The following PRKCE variants were observed in gnomAD, a reference collection of about 807,000 sequenced individuals.
The protein encoded by PRKCE is protein kinase C epsilon type.
PRKCE carries 16 observed loss-of-function variants against 85.4 expected under a neutral mutation model. That is an observed-to-expected ratio of 0.19 (90% CI 0.13 to 0.28). PRKCE has a LOEUF of 0.28. PRKCE is among the 10% of genes least tolerant of loss of function. The pLI is 1.00. For missense variants in PRKCE, 573 were observed against 975.2 expected (o/e 0.59, Z 5.49); for synonymous variants, 388 against 371.5 (o/e 1.04, Z -0.51).
chr2:45,941,064 C>CAAAAAAAAAAAAAAAAAAAAAAAAAAAA (rs1446600916), intron 2 of PRKCE, among the ~76,000 whole-genome samples: 1 of 24,212 alleles, frequency 4.1e-5, no homozygotes, highest in Non-Finnish European at 7.6e-5. Flanking sequence ...AGACTTCATC[C>CAAAAAAAAAAAAAAAAAAAAAAAAAAAA]TAAAAAAAAA....
chr2:45,803,059 C>T (rs1191522455), intron 1 of PRKCE, among the ~76,000 whole-genome samples: 1 of 152,170 alleles, frequency 6.6e-6, no homozygotes, highest in African/African-American at 2.4e-5. Flanking sequence ...TAAGGTATGG[C>T]TTGAAAGGTG....
At chr2:46,175,328 T>C (rs1198721967) in intron 14 of PRKCE, among the ~76,000 whole-genome samples, 1 of 152,224 alleles carries the variant, frequency 6.6e-6, no homozygotes, top group East Asian at 1.9e-4. Flanking sequence ...ATGATTATTC[T>C]GTGAACTGAG....
chr2:45,766,989 T>C (rs1298857011), intron 1 of PRKCE, among the ~76,000 whole-genome samples: 1 of 151,274 alleles, frequency 6.6e-6, no homozygotes, highest in Non-Finnish European at 1.5e-5. Flanking sequence ...TGCAGTGAGC[T>C]GAGATCAGGC....
intron 2 of PRKCE, among the ~76,000 whole-genome samples, chr2:45,844,371 C>G (rs914784935): frequency 6.6e-6 from 1 of 152,188 alleles, no homozygotes; most frequent in African/African-American, 2.4e-5. Context: ...CTTCTCTGCT[C>G]TCAGCTCTGA....
intron 2 of PRKCE, among the ~76,000 whole-genome samples, chr2:45,916,240 ATT>A (rs748796035): frequency 2.3e-4 from 32 of 141,748 alleles, no homozygotes; most frequent in Non-Finnish European, 2.6e-4. Context: ...GCACTGAGAA[ATT>A]TTTTTTTTTT....
In PRKCE at chr2:45,992,442, C is replaced by G. The variant is rs139343210; in HGVS notation, c.823+7762C>G. Among the ~76,000 whole-genome samples, 333 of 152,282 alleles carry G rather than the reference C, an allele frequency of 2.2e-3. 1 individual carries two copies. The highest frequency in any genetic ancestry group is 7.4e-3 in the African/African-American group (308 of 41,556). On this transcript the variant is annotated intron_variant, in intron 6 of 14. Coordinates refer to ENST00000306156, the MANE Select transcript of PRKCE (RefSeq NM_005400.3). ...TGACCCCAGGGGGGCATCCCTCTTA[C>G]CTCCTTTCTCCTCATTCTGCGTGAA...
chr2:45,979,505 T>A (rs1483094989), intron 4 of PRKCE, among the ~76,000 whole-genome samples: 1 of 152,200 alleles, frequency 6.6e-6, no homozygotes, highest in Non-Finnish European at 1.5e-5. Context: ...TAAAGCTCAC[T>A]TGAAGGTATT....
intron 1 of PRKCE, among the ~76,000 whole-genome samples, chr2:45,713,172 G>A (rs1367445853): frequency 6.6e-6 from 1 of 152,206 alleles, no homozygotes; most frequent in African/African-American, 2.4e-5. Context: ...TTATAAAGGT[G>A]AAGTGGATGC....
intron 11 of PRKCE, among the ~76,000 whole-genome samples, chr2:46,117,157 C>T (rs995635524): frequency 6.6e-6 from 1 of 152,158 alleles, no homozygotes; most frequent in Non-Finnish European, 1.5e-5. Context: ...GAGTTTCTGT[C>T]CTTTGCCATA....
At chr2:45,944,435 G>A (rs1035720893) in intron 2 of PRKCE, among the ~76,000 whole-genome samples, 10 of 152,110 alleles carry the variant, frequency 6.6e-5, no homozygotes, top group African/African-American at 1.4e-4. Context: ...TTATTGACTC[G>A]TAAACTTAAG....
intron 2 of PRKCE, among the ~76,000 whole-genome samples, chr2:45,947,094 A>G (rs761979402): frequency 6.6e-6 from 1 of 152,244 alleles, no homozygotes; most frequent in African/African-American, 2.4e-5. Context: ...AAACAGTACC[A>G]CCTAAAGTGT....
At chr2:45,768,300 T>A (rs1442413768) in intron 1 of PRKCE, among the ~76,000 whole-genome samples, 2 of 152,260 alleles carry the variant, frequency 1.3e-5, no homozygotes, top group African/African-American at 4.8e-5. Flanking sequence ...GGCCTTATCC[T>A]GGCCTGGCTC....
intron 11 of PRKCE, among the ~76,000 whole-genome samples, chr2:46,118,169 G>C (rs1672959234): frequency 3.9e-5 from 6 of 152,226 alleles, no homozygotes. Flanking sequence ...CAGTTTCGTG[G>C]AATTATCAAC....
At chr2:45,915,044 A>G (rs945461269) in intron 2 of PRKCE, among the ~76,000 whole-genome samples, 1 of 152,102 alleles carries the variant, frequency 6.6e-6, no homozygotes, top group Non-Finnish European at 1.5e-5. Context: ...TCAAGCGAGC[A>G]CCTCCAGCTA....
intron 2 of PRKCE, among the ~76,000 whole-genome samples, chr2:45,967,312 C>T (rs1328348328): frequency 6.6e-6 from 1 of 152,158 alleles, no homozygotes; most frequent in African/African-American, 2.4e-5. Context: ...CCATCTGAAC[C>T]CATCACATTT....
chr2:45,931,816 C>T (rs1699067023), intron 2 of PRKCE, among the ~76,000 whole-genome samples: 1 of 152,102 alleles, frequency 6.6e-6, no homozygotes, highest in Admixed American at 6.5e-5. Flanking sequence ...CAGCGATTCT[C>T]GTGCCTCAGC....
chr2:45,717,121 G>A (rs1680195730), intron 1 of PRKCE, among the ~76,000 whole-genome samples: 1 of 152,172 alleles, frequency 6.6e-6, no homozygotes, highest in Admixed American at 6.5e-5. Context: ...CCTGTCCAAG[G>A]TCCCTAAGTG....
In PRKCE at chr2:45,821,448, G is replaced by T. The variant is rs576207645; in HGVS notation, c.349-21552G>T. Reference sequence around the variant, plus strand: ...AGGCCACACCTCTGAAGGGCTACCTGTGGAACCTACCTGGGGACTAGTAGT... The same window carrying T: ...AGGCCACACCTCTGAAGGGCTACCTTTGGAACCTACCTGGGGACTAGTAGT... On this transcript the variant is annotated intron_variant, in intron 1 of 14. Transcript: ENST00000306156. Among the ~76,000 whole-genome samples the T allele has an allele frequency of 1.4e-4, 21 of 152,296 alleles. No homozygotes were observed. In the East Asian group the frequency reaches 4.1e-3, roughly 29 times the overall value.
chr2:45,804,106 A>G (rs1279761605), intron 1 of PRKCE, among the ~76,000 whole-genome samples: 1 of 152,178 alleles, frequency 6.6e-6, no homozygotes, highest in African/African-American at 2.4e-5. Context: ...CCTCTACAGC[A>G]CCAGTTGAGT....
Sources: allele counts gnomAD v4.1 joint callset (sites outside exome capture counted in the v4.1 genomes callset), GRCh38; gene constraint gnomAD v4.1.1; transcripts MANE v1.5; gene names NCBI Gene and HGNC (gene_info 2026-07-23, HGNC 2026-07-21).